Variants in PTPRD observed in about 807,000 individuals in gnomAD.
PTPRD encodes the protein receptor-type tyrosine-protein phosphatase delta.
In PTPRD, 34 loss-of-function variants were observed where a neutral mutation model predicts 214.5. That is an observed-to-expected ratio of 0.16 (90% confidence interval 0.12 to 0.21). The LOEUF (loss-of-function observed/expected upper bound fraction) is 0.21. PTPRD is among the 10% of genes least tolerant of loss of function. PTPRD has a pLI of 1.00. For missense variants in PTPRD, 2,545 were observed against 2,398.7 expected (o/e 1.06, Z -1.27); for synonymous variants, 1,128 against 845.7 (o/e 1.33, Z -5.79).
intron 9 of PTPRD, among the ~76,000 whole-genome samples, chr9:9,320,257 C>T (rs1965792545): frequency 6.6e-6 from 1 of 151,242 alleles, no homozygotes; most frequent in Non-Finnish European, 1.5e-5. Flanking sequence ...GGAAGACCTA[C>T]TTTTTTTTTC....
chr9:9,447,566 G>A (rs1174501672), intron 8 of PTPRD, among the ~76,000 whole-genome samples: 1 of 151,920 alleles, frequency 6.6e-6, no homozygotes, highest in Non-Finnish European at 1.5e-5. Flanking sequence ...TAACTAATGG[G>A]TACTGGGTTT....
chr9:8,881,553 G>T lies in PTPRD; in HGVS notation c.-104+137144C>A, dbSNP rs545857675. On this transcript the variant is annotated intron_variant, in intron 11 of 45. Coordinates refer to ENST00000381196, the MANE Select transcript of PTPRD (RefSeq NM_002839.4). ...CACAATGTACTGATATATTTACAGT[G>T]GTATAAGTTTAAGTAAAAGACAGGC... Among the ~76,000 whole-genome samples the T allele has an allele frequency of 3.3e-5, 5 of 152,220 alleles. No individual in the cohort carries two copies. In the South Asian group the frequency reaches 1.0e-3, roughly 32 times the overall value.
chr9:8,741,156 T>C (rs1250551849), intron 11 of PTPRD, among the ~76,000 whole-genome samples: 3 of 152,178 alleles, frequency 2.0e-5, no homozygotes, highest in Non-Finnish European at 2.9e-5. Flanking sequence ...GATTGTTTCT[T>C]TCTCCTTTGG....
intron 11 of PTPRD, among the ~76,000 whole-genome samples, chr9:8,911,443 G>GTT (rs2098747910): frequency 6.8e-6 from 1 of 147,326 alleles, no homozygotes; most frequent in African/African-American, 2.6e-5. Context: ...GTGTGTGTGA[G>GTT]AGAGAGAGAG....
intron 11 of PTPRD, among the ~76,000 whole-genome samples, chr9:8,939,062 A>T (rs1267192105): frequency 1.3e-5 from 2 of 152,146 alleles, no homozygotes. Flanking sequence ...ATACTATGTA[A>T]TTGAATTTTG....
intron 10 of PTPRD, among the ~76,000 whole-genome samples, chr9:9,132,909 G>T (rs1317208975): frequency 6.6e-6 from 1 of 152,104 alleles, no homozygotes; most frequent in Non-Finnish European, 1.5e-5. Context: ...CTGAGAATAG[G>T]GATGGCATAT....
intron 3 of PTPRD, among the ~76,000 whole-genome samples, chr9:10,065,179 G>GAAAGAAAGAAAGAAAGAAAGA (rs2097854223): frequency 1.3e-5 from 2 of 151,368 alleles, no homozygotes; most frequent in South Asian, 4.2e-4. Context: ...AAGAAAGAAA[G>GAAAGAAAGAAAGAAAGAAAGA]AAAGAAAGAA....
At chr9:10,571,364 C>G (rs573092646) in intron 2 of PTPRD, among the ~76,000 whole-genome samples, 1 of 152,210 alleles carries the variant, frequency 6.6e-6, no homozygotes, top group South Asian at 2.1e-4. Flanking sequence ...TTTCAGGACA[C>G]TTTGGTATTT....
At chr9:9,658,018 C>T (rs370226607) in intron 7 of PTPRD, among the ~76,000 whole-genome samples, 7 of 152,112 alleles carry the variant, frequency 4.6e-5, no homozygotes, top group Admixed American at 1.3e-4. Context: ...TTGTGAATTT[C>T]GCTAAAATAT....
intron 39 of PTPRD, among the ~76,000 whole-genome samples, chr9:8,351,145 G>C (rs988459174): frequency 6.6e-6 from 1 of 152,010 alleles, no homozygotes; most frequent in African/African-American, 2.4e-5. Flanking sequence ...AGAATGAAGC[G>C]AATCCATGTA....
chr9:9,916,110 A>G (rs771152185), intron 5 of PTPRD, among the ~76,000 whole-genome samples: 2 of 151,900 alleles, frequency 1.3e-5, no homozygotes, highest in Admixed American at 6.6e-5. Context: ...ACTGTCAGCT[A>G]CAAATACTAT....
intron 9 of PTPRD, among the ~76,000 whole-genome samples, chr9:9,327,903 C>G (rs2040643444): frequency 1.5e-5 from 1 of 67,788 alleles, no homozygotes; most frequent in Non-Finnish European, 3.2e-5. Context: ...AGTTGATGAG[C>G]TAAAAAAAAA....
chr9:9,049,256 C>A (rs564303118), intron 10 of PTPRD, among the ~76,000 whole-genome samples: 1 of 152,266 alleles, frequency 6.6e-6, no homozygotes, highest in East Asian at 1.9e-4. Context: ...AATGGAAGAA[C>A]TGAGAAAAAT....
intron 10 of PTPRD, among the ~76,000 whole-genome samples, chr9:9,139,221 A>G (rs551096229): frequency 2.0e-5 from 3 of 152,098 alleles, no homozygotes; most frequent in East Asian, 1.9e-4. Context: ...TAAGTCCTCA[A>G]TGACATCCAC....
intron 5 of PTPRD, among the ~76,000 whole-genome samples, chr9:9,914,164 G>A (rs1420560091): frequency 1.3e-5 from 2 of 152,164 alleles, no homozygotes; most frequent in South Asian, 2.1e-4. Context: ...GAACTCCGAG[G>A]TTCTGAGCAG....
At chr9:10,537,211 A>T (rs2058033677) in intron 2 of PTPRD, among the ~76,000 whole-genome samples, 1 of 152,224 alleles carries the variant, frequency 6.6e-6, no homozygotes, top group Non-Finnish European at 1.5e-5. Context: ...TATGTGAAAG[A>T]AATGATTTAA....
intron 3 of PTPRD, among the ~76,000 whole-genome samples, chr9:10,221,293 G>A (rs530181310): frequency 9.9e-5 from 15 of 151,976 alleles, no homozygotes; most frequent in African/African-American, 2.7e-4. Flanking sequence ...TCACGTGCGC[G>A]TGCACACACA....
chr9:9,855,148 G>T (rs1198310906), intron 5 of PTPRD, among the ~76,000 whole-genome samples: 1 of 152,144 alleles, frequency 6.6e-6, no homozygotes, highest in Admixed American at 6.5e-5. Flanking sequence ...TTAAGTCCAA[G>T]TCAAGGTAGC....
intron 10 of PTPRD, among the ~76,000 whole-genome samples, chr9:9,155,266 T>C (rs1289390613): frequency 6.6e-6 from 1 of 152,186 alleles, no homozygotes; most frequent in East Asian, 1.9e-4. Context: ...AATTATGTGT[T>C]CCTGTCACAG....
Sources: allele counts gnomAD v4.1 joint callset (sites outside exome capture counted in the v4.1 genomes callset), GRCh38; gene constraint gnomAD v4.1.1; transcripts MANE v1.5; gene names NCBI Gene and HGNC (gene_info 2026-07-23, HGNC 2026-07-21).